LRRC20: variants seen among roughly 807,000 people sequenced by gnomAD.
LRRC20 encodes the protein leucine rich repeat containing 20.
A neutral mutation model predicts 14.4 loss-of-function variants in LRRC20; 11 were observed. The observed-to-expected ratio is 0.77, with a 90% CI of 0.48 to 1.27. The LOEUF is 1.27. LRRC20 is among the 50% of genes most tolerant of loss of function. The pLI, the probability that LRRC20 is intolerant of heterozygous loss-of-function variation, is 0.00. For synonymous variants in LRRC20, 121 were observed against 107.3 expected, an observed-to-expected ratio of 1.13 and a Z score of -0.79; for missense variants, 219 against 251.2, an observed-to-expected ratio of 0.87 and a Z score of 0.87.
chr10:70,315,394 A>T lies in LRRC20; in HGVS notation c.400+8469T>A, dbSNP rs568120287. On this transcript the variant is annotated intron_variant, in intron 4 of 4. Transcript: ENST00000446961. ...CATGCCACATTATGGACTGAAATAG[A>T]GTTATAATTAAGCATTAATTGGGCT... Among the ~76,000 whole-genome samples the T allele has an allele frequency of 4.6e-5, 7 of 152,332 alleles. No individual in the cohort carries two copies. The South Asian group carries it at 8.3e-4, about 18-fold the overall frequency.
intron 2 of LRRC20, among the ~76,000 whole-genome samples, chr10:70,341,910 G>A (rs1009097424): frequency 5.3e-5 from 8 of 152,234 alleles, no homozygotes; most frequent in Non-Finnish European, 8.8e-5. Flanking sequence ...TATATGAAAT[G>A]TCAAGAATAG....
intron 2 of LRRC20, among the ~76,000 whole-genome samples, chr10:70,351,398 T>TA (rs1389045203): frequency 6.6e-6 from 1 of 152,178 alleles, no homozygotes; most frequent in East Asian, 1.9e-4. Context: ...TCTGAGGTCA[T>TA]AGAGTTCTCC....
At chr10:70,379,545 G>A (rs897899434) in intron 1 of LRRC20, among the ~76,000 whole-genome samples, 1 of 152,192 alleles carries the variant, frequency 6.6e-6, no homozygotes, top group Non-Finnish European at 1.5e-5. Context: ...AGGTATGAGG[G>A]ATAAGAAGGA....
intron 4 of LRRC20, among the ~76,000 whole-genome samples, chr10:70,322,117 C>T (rs1842106587): frequency 1.6e-4 from 1 of 6,276 alleles, no homozygotes. Context: ...TCGACCCGCT[C>T]CCTTATCTGG....
chr10:70,355,300 C>T (rs1289464961), intron 2 of LRRC20, among the ~76,000 whole-genome samples: 1 of 152,182 alleles, frequency 6.6e-6, no homozygotes, highest in Non-Finnish European at 1.5e-5. Context: ...CGGACTTGCT[C>T]CCTCTTGACA....
intron 1 of LRRC20, among the ~76,000 whole-genome samples, chr10:70,379,073 C>A (rs1177161716): frequency 9.2e-5 from 14 of 152,208 alleles, no homozygotes. Flanking sequence ...GTTAGTATCC[C>A]CTAATGGTGA....
rs930212873 is a variant in LRRC20, at chr10:70,300,011, T to A, written c.*1343A>T. Reference sequence around the variant, plus strand: ...CATCTTAGCCTTAGGAGTAGTAAAGTGGCCACTCGTCCACGGCACACAGGA... The same window carrying A: ...CATCTTAGCCTTAGGAGTAGTAAAGAGGCCACTCGTCCACGGCACACAGGA... On this transcript the variant is annotated 3_prime_UTR_variant, in exon 5 of 5. Coordinates refer to ENST00000446961, the MANE Select transcript of LRRC20 (RefSeq NM_001278212.2). The A allele has an allele frequency of 2.0e-5, 3 of 152,218 alleles. No individual in the cohort carries two copies. The highest frequency in any genetic ancestry group is 7.2e-5 in the African/African-American group (3 of 41,432). 9.4% of individuals were successfully genotyped at this position (152,218 alleles called of 1,614,324 possible).
intron 4 of LRRC20, among the ~76,000 whole-genome samples, chr10:70,318,572 G>A (rs1424032618): frequency 2.0e-5 from 3 of 152,158 alleles, no homozygotes; most frequent in Middle Eastern, 3.4e-3. Context: ...TGGGCAACAT[G>A]GCAAAAACCC....
At chr10:70,313,171 G>A (rs1841733409) in intron 4 of LRRC20, among the ~76,000 whole-genome samples, 2 of 152,190 alleles carry the variant, frequency 1.3e-5, no homozygotes, top group South Asian at 4.1e-4. Context: ...ATAAGCAGCT[G>A]AAACGGCTGG....
intron 4 of LRRC20, among the ~76,000 whole-genome samples, chr10:70,305,050 G>A (rs1375666829): frequency 6.6e-6 from 1 of 152,146 alleles, no homozygotes; most frequent in Non-Finnish European, 1.5e-5. Flanking sequence ...CGGGTGTGGT[G>A]GCACATGCCT....
chr10:70,350,037 A>G (rs189280925), intron 2 of LRRC20, among the ~76,000 whole-genome samples: 12 of 152,332 alleles, frequency 7.9e-5, no homozygotes, highest in African/African-American at 2.9e-4. Context: ...TCCCTCCTTG[A>G]GCTCTGCCTT....
intron 2 of LRRC20, among the ~76,000 whole-genome samples, chr10:70,355,020 T>A (rs1301478236): frequency 6.6e-6 from 1 of 152,084 alleles, no homozygotes; most frequent in African/African-American, 2.4e-5. Context: ...AGACCAGACA[T>A]CCTCTGACTC....
chr10:70,308,899 A>G (rs1044262578), intron 4 of LRRC20, among the ~76,000 whole-genome samples: 2 of 152,238 alleles, frequency 1.3e-5, no homozygotes, highest in African/African-American at 4.8e-5. Context: ...AGCTGCCAGC[A>G]GCCTGGCCTC....
intron 2 of LRRC20, among the ~76,000 whole-genome samples, chr10:70,359,634 T>G (rs1843648347): frequency 6.6e-6 from 1 of 152,254 alleles, no homozygotes. Context: ...CCTCCCTTTC[T>G]AGATATCCCT....
At chr10:70,356,849 T>TCAAAA (rs56083787) in intron 2 of LRRC20, among the ~76,000 whole-genome samples, 5,693 of 151,424 alleles carry the variant, frequency 0.038, 158 homozygotes, top group East Asian at 0.055. Context: ...AGACTCCACC[T>TCAAAA]CAAAACAAAA....
chr10:70,375,391 G>T (rs78347241), intron 2 of LRRC20, among the ~76,000 whole-genome samples: 1 of 152,156 alleles, frequency 6.6e-6, no homozygotes, highest in Non-Finnish European at 1.5e-5. Context: ...GGGAGCAAAG[G>T]GTGGATGAGG....
At chr10:70,373,927 G>C (rs1844402951) in intron 2 of LRRC20, among the ~76,000 whole-genome samples, 1 of 152,174 alleles carries the variant, frequency 6.6e-6, no homozygotes, top group African/African-American at 2.4e-5. Context: ...AGCATGCCCT[G>C]CCCTAGCCGC....
Position 70,301,335 on chromosome 10 carries a change from TG to T in LRRC20, c.*18del. 1 of 1,599,592 alleles carries T rather than the reference TG, an allele frequency of 6.3e-7. No homozygotes were observed. On this transcript the variant is annotated 3_prime_UTR_variant, in exon 5 of 5. Coordinates refer to ENST00000446961, the MANE Select transcript of LRRC20 (RefSeq NM_001278212.2). The stretch of plus-strand genomic sequence containing the variant: ...CCTGTGGCCTCTGCCCCTTGCTGGG[TG>T]GGCATGAGGAGGGTGGCCTAAGGTA...
chr10:70,341,004 AG>A (rs1248042681), intron 2 of LRRC20, among the ~76,000 whole-genome samples: 1 of 152,236 alleles, frequency 6.6e-6, no homozygotes, highest in Non-Finnish European at 1.5e-5. Flanking sequence ...TGGCATTCAT[AG>A]CAGTGCCTTT....
Sources: gnomAD v4.1 joint callset for allele counts (sites outside exome capture counted in the v4.1 genomes callset) on GRCh38, gnomAD v4.1.1 for gene constraint, MANE v1.5 for transcripts, NCBI Gene and HGNC (gene_info 2026-07-23, HGNC 2026-07-21) for gene names.